Variants in WDR17 observed in about 807,000 individuals in gnomAD.
WDR17 encodes WD repeat-containing protein 17.
A neutral mutation model predicts 161.7 loss-of-function variants in WDR17; 143 were observed. The observed-to-expected ratio is 0.88, with a 90% CI of 0.77 to 1.02. The LOEUF is 1.02. Ranked by LOEUF, WDR17 falls within the 50% of genes least tolerant of loss-of-function variation. The probability of loss-of-function intolerance (pLI) is 0.00; values close to 1 mark genes in which losing one functional copy is unlikely to be tolerated. For synonymous variants in WDR17, 517 were observed against 515.6 expected (o/e 1.00, Z -0.04); for missense variants, 1,469 against 1,520.9 (o/e 0.97, Z 0.57).
Position 176,179,572 on chromosome 4 carries a change from C to G in WDR17, c.3845C>G (p.Pro1282Arg), listed in dbSNP as rs766705869. Residue 1282 changes from proline to arginine, a missense_variant, in exon 29 of 29, where the codon CCA becomes CGA. Coordinates refer to ENST00000508596, the MANE Select transcript of WDR17 (RefSeq NM_181265.4). ...TTAGGGACTGGAATACGACTCAATC[C>G]ATTCTGATAGAAGATTTTTGTCCAT... ...SPLGTGIRLN[P>R]F is the part of the protein sequence containing the mutation. 4 of 1,552,632 alleles carry G rather than the reference C, an allele frequency of 2.6e-6. No individual in the cohort carries two copies. The South Asian group carries it at 5.0e-5, about 20-fold the overall frequency.
intron 1 of WDR17, among the ~76,000 whole-genome samples, chr4:176,079,072 T>C (rs1472199543): frequency 6.6e-6 from 1 of 152,146 alleles, no homozygotes; most frequent in African/African-American, 2.4e-5. Context: ...TTCTACTCTT[T>C]AGTTGTATGA....
intron 1 of WDR17, 157 bp from the exon 2 acceptor site, chr4:176,111,418 C>A: frequency 3.1e-6 from 2 of 642,252 alleles, no homozygotes; most frequent in Non-Finnish European, 4.6e-6. Context: ...TTAGGGAGTT[C>A]AACTGCTGTT....
chr4:176,076,162 A>C (rs1249690352), intron 1 of WDR17, among the ~76,000 whole-genome samples: 2 of 148,470 alleles, frequency 1.3e-5, no homozygotes, highest in East Asian at 4.0e-4. Flanking sequence ...TTAGCCTTGA[A>C]TTTGCCTTAA....
Position 176,152,294 on chromosome 4 carries a change from CAAAA to C in WDR17, c.2460+344_2460+347del, listed in dbSNP as rs397837505. Reference sequence around the variant, plus strand: ...TGGGCTACAGAAAGAGACCCTATCTCAAAAAAAAAAAAAAAAAAAAGCCTGAGCG... The same window carrying C: ...TGGGCTACAGAAAGAGACCCTATCTCAAAAAAAAAAAAAAAAGCCTGAGCG... On this transcript the variant is annotated intron_variant, in intron 17 of 28. Transcript: ENST00000508596. 7.3e-4 allele frequency among the ~76,000 whole-genome samples: 53 copies of C among 72,118 alleles called. 2 individuals are homozygous for C. The Middle Eastern group carries it at 0.049, about 67-fold the overall frequency. 47.3% of individuals were successfully genotyped at this position (72,118 alleles called of 152,430 possible). A position where few individuals can be genotyped will look rare whatever the true frequency, so the allele number is the denominator to read the frequency against.
rs1453670645 is a variant in WDR17 at position 176,179,696 on chromosome 4, G to A, written c.*117G>A. 3.9e-6 allele frequency: 4 copies of A among 1,028,210 alleles called. No homozygotes were observed. The highest frequency in any genetic ancestry group is 3.7e-5 in the South Asian group (1 of 27,282). The allele number at this position is 1,028,210 out of a possible 1,614,324, so 63.7% of individuals were successfully genotyped here. A position where few individuals can be genotyped will look rare whatever the true frequency, so the allele number is the denominator to read the frequency against. ...GGTTGGGAGAAGGATTGCAGGTTGGGAGAGGTGGGAAATAGCAGTGAATTT... is the reference window on the plus strand; with the variant it reads ...GGTTGGGAGAAGGATTGCAGGTTGGAAGAGGTGGGAAATAGCAGTGAATTT... On this transcript the variant is annotated 3_prime_UTR_variant, in exon 29 of 29. Transcript: ENST00000508596.
chr4:176,089,362 T>C (rs975400829), intron 1 of WDR17, among the ~76,000 whole-genome samples: 4 of 152,196 alleles, frequency 2.6e-5, no homozygotes, highest in African/African-American at 9.6e-5. Context: ...CCTTTTATGT[T>C]TGACTTTTGA....
rs576778738 is a variant in WDR17, at chr4:176,128,651, A to T, written c.791-87A>T. Reference sequence around the variant, plus strand: ...CAGTAATTAGTCCTAAAATATTTCCAGTTGAAATTTTGTTATACTTTTATG... The same window carrying T: ...CAGTAATTAGTCCTAAAATATTTCCTGTTGAAATTTTGTTATACTTTTATG... On this transcript the variant is annotated intron_variant, in intron 5 of 28. Coordinates refer to ENST00000508596, the MANE Select transcript of WDR17 (RefSeq NM_181265.4). 8.9e-6 allele frequency: 12 copies of T among 1,349,514 alleles called. No individual in the cohort carries two copies. The African/African-American group carries it at 1.8e-4, about 20-fold the overall frequency. The allele number at this position is 1,349,514 out of a possible 1,614,324, so 83.6% of individuals were successfully genotyped here.
At chr4:176,149,479 A>C (rs1474025097) in intron 13 of WDR17, among the ~76,000 whole-genome samples, 5 of 152,126 alleles carry the variant, frequency 3.3e-5, no homozygotes, top group Non-Finnish European at 7.4e-5. Flanking sequence ...CATGTTGCCC[A>C]GGCCGATCTC....
intron 13 of WDR17, 137 bp downstream of exon 13, chr4:176,148,472 A>G (rs1432856159): frequency 1.9e-5 from 14 of 755,866 alleles, no homozygotes; most frequent in Non-Finnish European, 2.7e-5. Context: ...ATTAGAAAAT[A>G]TACACGTTTA....
Position 176,179,497 on chromosome 4 carries a change from T to A in WDR17, c.3770T>A (p.Ile1257Asn), listed in dbSNP as rs1751928005. The A allele has an allele frequency of 1.9e-6, 3 of 1,605,070 alleles. No individual in the cohort carries two copies. In the African/African-American group the frequency reaches 4.0e-5, roughly 22 times the overall value. The change falls in exon 29 of 29, where the codon ATC (isoleucine) becomes AAC (asparagine). Residue 1257 changes from isoleucine (I) to asparagine (N), a missense_variant. Ile to Asn is a moderately radical substitution (Grantham distance 149). Coordinates refer to ENST00000508596, the MANE Select transcript of WDR17 (RefSeq NM_181265.4). The stretch of plus-strand genomic sequence containing the variant: ...TTCCTTGAAGACGGGAAATCTGCTA[T>A]CTCCTTGAATGATGCTTTGATGTGG... ...VFFLEDGKSA[I>N]SLNDALMWAK... is the part of the protein sequence containing the mutation.
intron 23 of WDR17, 94 bp from the exon 24 acceptor site, chr4:176,172,281 C>T: frequency 2.7e-6 from 3 of 1,123,588 alleles, no homozygotes; most frequent in South Asian, 1.5e-5. Context: ...ATAAGAAAAC[C>T]ATACTAGGAA....
chr4:176,085,133 T>TA (rs538524482), intron 1 of WDR17, among the ~76,000 whole-genome samples: 4 of 151,864 alleles, frequency 2.6e-5, no homozygotes, highest in East Asian at 1.9e-4. Context: ...TTTTCATACA[T>TA]AAAAAAAATC....
chr4:176,148,143 A>G lies in WDR17; in HGVS notation c.1705A>G (p.Ile569Val). The change falls in exon 13 of 29, where the codon ATC becomes GTC. Residue 569 changes from isoleucine (I) to valine (V), a missense_variant. By Grantham distance (29) the Ile-to-Val change is conservative (BLOSUM62 3). Coordinates refer to ENST00000508596, the MANE Select transcript of WDR17 (RefSeq NM_181265.4). Reference sequence around the variant, plus strand: ...ATATTCTGTTTTCAGTACCGTTCGAATCTGGGATTATACTCAGGATGCTTG... The same window carrying G: ...ATATTCTGTTTTCAGTACCGTTCGAGTCTGGGATTATACTCAGGATGCTTG... ...CSGSDDGTVR[I>V]WDYTQDACIN... 6.2e-7 allele frequency: 1 copy of G among 1,613,892 alleles called. No homozygotes were observed. The highest frequency in any genetic ancestry group is 8.5e-7 in the Non-Finnish European group (1 of 1,179,904).
chr4:176,144,233 A>T (rs1426922156), intron 11 of WDR17, among the ~76,000 whole-genome samples: 1 of 152,130 alleles, frequency 6.6e-6, no homozygotes, highest in East Asian at 1.9e-4. Flanking sequence ...CTTGACCCCC[A>T]TATGAAGTAA....
rs558658755 is a variant in WDR17, at chr4:176,100,222, C to T, written c.-6-11353C>T. On this transcript the variant is annotated intron_variant, in intron 1 of 28. Coordinates refer to ENST00000508596, the MANE Select transcript of WDR17 (RefSeq NM_181265.4). ...ACCAACAGTGTATGAATTCTCTTTT[C>T]CCCATATCCTCACCAACATCTATTA... 2.0e-5 allele frequency among the ~76,000 whole-genome samples: 3 copies of T among 152,196 alleles called. No individual in the cohort carries two copies. In the South Asian group the frequency reaches 6.2e-4, roughly 32 times the overall value.
intron 1 of WDR17, among the ~76,000 whole-genome samples, chr4:176,073,843 C>G (rs1489448034): frequency 6.6e-6 from 1 of 152,062 alleles, no homozygotes; most frequent in Non-Finnish European, 1.5e-5. Context: ...ATTTGCATTT[C>G]TCTGATGGCC....
chr4:176,130,995 A>G (rs1743352347), intron 6 of WDR17, among the ~76,000 whole-genome samples: 1 of 152,164 alleles, frequency 6.6e-6, no homozygotes, highest in African/African-American at 2.4e-5. Context: ...CAGTAAAAAG[A>G]AAAAACAAAC....
rs1417454195 is a variant in WDR17 at position 176,149,951 on chromosome 4, A to G, written c.2042A>G (p.Asn681Ser). 1 of 1,612,450 alleles carries G rather than the reference A, an allele frequency of 6.2e-7. No homozygotes were observed. The highest frequency in any genetic ancestry group is 1.7e-5 in the Admixed American group (1 of 59,626). Residue 681 changes from asparagine (N) to serine (S), a missense_variant, in exon 14 of 29, where the codon AAC becomes AGC. Asn to Ser is a conservative substitution (Grantham distance 46, BLOSUM62 1). Transcript: ENST00000508596. ...AGATCTTGGGAAGAAATTATTGGGA[A>G]CACTGGTATGGAACATATACATGTA... ...ADRSWEEIIG[N>S]TDYAIEPGTP...
intron 1 of WDR17, among the ~76,000 whole-genome samples, chr4:176,070,769 A>G (rs1414539939): frequency 4.0e-5 from 6 of 151,268 alleles, no homozygotes; most frequent in Admixed American, 3.3e-4. Context: ...GATCCACCCA[A>G]CTTGGCCTGC....
Sources: gnomAD v4.1 joint callset for allele counts (sites outside exome capture counted in the v4.1 genomes callset) on GRCh38, gnomAD v4.1.1 for gene constraint, MANE v1.5 for transcripts, NCBI Gene and HGNC (gene_info 2026-07-23, HGNC 2026-07-21) for gene names.